The following LPAR3 variants were observed in gnomAD, a reference collection of about 807,000 sequenced individuals.
LPAR3 encodes LPA receptor 3.
LPAR3 carries 7 observed loss-of-function variants against 17.8 expected under a neutral mutation model. That is an observed-to-expected ratio of 0.39 (90% CI 0.22 to 0.74). The LOEUF (loss-of-function observed/expected upper bound fraction) is 0.74, where lower values mean the gene tolerates loss of function less well. LPAR3 is among the 30% of genes least tolerant of loss of function. The pLI is 0.40. For synonymous variants in LPAR3, 179 were observed against 179.9 expected, an observed-to-expected ratio of 0.99 and a Z score of 0.04; for missense variants, 391 against 453.4, an observed-to-expected ratio of 0.86 and a Z score of 1.25.
intron 2 of LPAR3, among the ~76,000 whole-genome samples, chr1:84,828,947 C>A (rs1015171533): frequency 6.6e-6 from 1 of 152,072 alleles, no homozygotes; most frequent in African/African-American, 2.4e-5. Flanking sequence ...AACGTTAGTG[C>A]TAATACTCAG....
At chr1:84,826,421 TA>T (rs1248492792) in intron 2 of LPAR3, among the ~76,000 whole-genome samples, 1 of 152,004 alleles carries the variant, frequency 6.6e-6, no homozygotes, top group East Asian at 1.9e-4. Flanking sequence ...TGACAGAACT[TA>T]TTTTTTTAAT....
intron 2 of LPAR3, among the ~76,000 whole-genome samples, chr1:84,860,162 C>T (rs1278360804): frequency 6.6e-6 from 1 of 152,154 alleles, no homozygotes; most frequent in African/African-American, 2.4e-5. Flanking sequence ...TGCCTTGATG[C>T]CTTTCCAATC....
At chr1:84,884,330 C>T (rs144504322) in intron 1 of LPAR3, among the ~76,000 whole-genome samples, 18 of 152,270 alleles carry the variant, frequency 1.2e-4, no homozygotes, top group East Asian at 7.7e-4. Context: ...ATACCCTTTC[C>T]GCAGAAAGTA....
chr1:84,816,730 G>A (rs920791771), intron 2 of LPAR3, among the ~76,000 whole-genome samples: 6 of 152,278 alleles, frequency 3.9e-5, no homozygotes, highest in African/African-American at 1.2e-4. Context: ...CCCAGGAGGC[G>A]AAGTTGCAGT....
At chr1:84,876,175 A>AT (rs778328362) in intron 1 of LPAR3, among the ~76,000 whole-genome samples, 1 of 152,182 alleles carries the variant, frequency 6.6e-6, no homozygotes, top group Non-Finnish European at 1.5e-5. Flanking sequence ...AGGAAGGCTC[A>AT]TATCTCATAC....
At chr1:84,824,513 A>G (rs1659115766) in intron 2 of LPAR3, among the ~76,000 whole-genome samples, 1 of 152,208 alleles carries the variant, frequency 6.6e-6, no homozygotes, top group African/African-American at 2.4e-5. Context: ...CATAGGCTTG[A>G]AATCAAGCAG....
intron 1 of LPAR3, among the ~76,000 whole-genome samples, chr1:84,873,806 G>A (rs1660204166): frequency 6.6e-6 from 1 of 150,816 alleles, no homozygotes; most frequent in African/African-American, 2.4e-5. Flanking sequence ...AGGCTGGAGT[G>A]CAGTGGCACA....
At chr1:84,860,982 G>A (rs1411336032) in intron 2 of LPAR3, among the ~76,000 whole-genome samples, 3 of 151,896 alleles carry the variant, frequency 2.0e-5, no homozygotes, top group Non-Finnish European at 1.5e-5. Context: ...CAAGTGATCC[G>A]CCCGCCTCGG....
chr1:84,876,398 C>T (rs1342944805), intron 1 of LPAR3, among the ~76,000 whole-genome samples: 1 of 152,130 alleles, frequency 6.6e-6, no homozygotes. Context: ...AGAGGAACAG[C>T]AAGAGATTGG....
At chr1:84,855,408 T>C (rs762272073) in intron 2 of LPAR3, among the ~76,000 whole-genome samples, 6 of 152,208 alleles carry the variant, frequency 3.9e-5, no homozygotes, top group Middle Eastern at 3.2e-3. Context: ...TTCTGGAACA[T>C]GAAACCTTCC....
intron 2 of LPAR3, among the ~76,000 whole-genome samples, chr1:84,862,604 T>C (rs1180718076): frequency 6.6e-6 from 1 of 152,256 alleles, no homozygotes; most frequent in Non-Finnish European, 1.5e-5. Context: ...ATTTGTTAAA[T>C]AAATCCTCAG....
intron 1 of LPAR3, among the ~76,000 whole-genome samples, chr1:84,870,742 G>T (rs1226336439): frequency 6.6e-6 from 1 of 152,094 alleles, no homozygotes; most frequent in African/African-American, 2.4e-5. Context: ...CTTGCCTAAG[G>T]TTACACAGCT....
Position 84,817,802 on chromosome 1 carries a change from C to CAAA in LPAR3, c.737-3634_737-3632dup, listed in dbSNP as rs10674807. 5.4e-3 allele frequency among the ~76,000 whole-genome samples: 644 copies of CAAA among 119,780 alleles called. 9 individuals are homozygous for CAAA. The highest frequency in any genetic ancestry group is 0.011 in the East Asian group (48 of 4,500). 78.6% of individuals were successfully genotyped at this position (119,780 alleles called of 152,430 possible). On this transcript the variant is annotated intron_variant, in intron 2 of 2. Coordinates refer to ENST00000370611, the MANE Select transcript of LPAR3 (RefSeq NM_012152.3). ...TCCCTCCCTTTCTTCCTTTCCTGGCCAAAAAAAAAAAAAAATCTTTCCTTT... is the reference window on the plus strand; with the variant it reads ...TCCCTCCCTTTCTTCCTTTCCTGGCCAAAAAAAAAAAAAAAAAATCTTTCCTTT...
At chr1:84,872,320 G>T (rs1236394293) in intron 1 of LPAR3, among the ~76,000 whole-genome samples, 1 of 151,988 alleles carries the variant, frequency 6.6e-6, no homozygotes, top group Non-Finnish European at 1.5e-5. Context: ...TTCCTCTGGG[G>T]AGACTTGGCT....
chr1:84,865,800 C>T lies in LPAR3; in HGVS notation c.321G>A (p.Gly107=). 6.2e-7 allele frequency: 1 copy of T among 1,614,180 alleles called. No individual in the cohort carries two copies. Among genetic ancestry groups the T allele is most frequent in the South Asian group, 1.1e-5 (1 of 91,078 alleles). The change falls in exon 2 of 3, where the codon GGG becomes GGA. Residue 107 remains glycine (G), a synonymous_variant. Transcript: ENST00000370611. ...LTVNRWFLRQ[G]LLDSSLTASL... ...AAGCAGTCAAGCTACTGTCCAGAAG[C>T]CCCTGACGGAGAAACCAGCGGTTGA...
intron 1 of LPAR3, among the ~76,000 whole-genome samples, chr1:84,869,315 G>T (rs1325276): frequency 0.15 from 23,016 of 152,110 alleles, 2,007 homozygotes; most frequent in African/African-American, 0.25. Context: ...AATTTTGTCT[G>T]ACAAAGTTGA....
Position 84,817,773 on chromosome 1 carries a change from T to C in LPAR3, c.737-3602A>G, listed in dbSNP as rs78325393. Reference sequence around the variant, plus strand: ...CCTTTGGATTCCTTCCCTCCTTCCATCTCTCCCTCCCTTTCTTCCTTTCCT... The same window carrying C: ...CCTTTGGATTCCTTCCCTCCTTCCACCTCTCCCTCCCTTTCTTCCTTTCCT... On this transcript the variant is annotated intron_variant, in intron 2 of 2. Transcript: ENST00000370611. Among the ~76,000 whole-genome samples the C allele has an allele frequency of 2.7e-5, 4 of 148,356 alleles. No homozygotes were observed. The East Asian group carries it at 8.0e-4, about 30-fold the overall frequency.
At chr1:84,852,542 C>T (rs138473515) in intron 2 of LPAR3, among the ~76,000 whole-genome samples, 2 of 152,200 alleles carry the variant, frequency 1.3e-5, no homozygotes, top group East Asian at 3.9e-4. Context: ...GCTTGTGGTG[C>T]CTCCAGGACA....
rs1413976719 is a variant in LPAR3 at position 84,873,408 on chromosome 1, G to C, written c.-18-7270C>G. ...TATTAAAAATAACTTTTAAAGAGGA[G>C]GCATGTTGTTGACTCTACTACACTA... is the stretch of plus-strand genomic sequence containing the variant. On this transcript the variant is annotated intron_variant, in intron 1 of 2. Coordinates refer to ENST00000370611, the MANE Select transcript of LPAR3 (RefSeq NM_012152.3). Among the ~76,000 whole-genome samples, 6 of 152,090 alleles carry C rather than the reference G, an allele frequency of 3.9e-5. No homozygotes were observed. The East Asian group carries it at 1.2e-3, about 29-fold the overall frequency.
Sources: gnomAD v4.1 joint callset for allele counts (sites outside exome capture counted in the v4.1 genomes callset) on GRCh38, gnomAD v4.1.1 for gene constraint, MANE v1.5 for transcripts, NCBI Gene and HGNC (gene_info 2026-07-23, HGNC 2026-07-21) for gene names.